PIBF1: variants seen among roughly 807,000 people sequenced by gnomAD.
The protein encoded by PIBF1 is progesterone immunomodulatory binding factor 1.
In PIBF1, 90 loss-of-function variants were observed where a neutral mutation model predicts 112.5. That is an observed-to-expected ratio of 0.80 (90% CI 0.67 to 0.95). The LOEUF is 0.95. Ranked by LOEUF, PIBF1 falls within the 40% of genes least tolerant of loss-of-function variation. The pLI, the probability that PIBF1 is intolerant of heterozygous loss-of-function variation, is 0.00. For synonymous variants in PIBF1, 301 were observed against 288.6 expected (o/e 1.04, Z -0.44); for missense variants, 915 against 852.3 (o/e 1.07, Z -0.92).
intron 17 of PIBF1, among the ~76,000 whole-genome samples, chr13:73,012,131 C>G (rs545441184): frequency 6.6e-6 from 1 of 152,156 alleles, no homozygotes. Flanking sequence ...GCGAGCAGAT[C>G]ACCTGAGATC....
At chr13:72,991,652 C>T (rs544185836) in intron 16 of PIBF1, among the ~76,000 whole-genome samples, 17 of 151,856 alleles carry the variant, frequency 1.1e-4, no homozygotes, top group African/African-American at 2.2e-4. Context: ...ACTTTGGGAG[C>T]CTGAGGCAGG....
chr13:72,792,664 A>G, intron 3 of PIBF1, 117 bp downstream of exon 3: 1 of 577,196 alleles, frequency 1.7e-6, no homozygotes, highest in Non-Finnish European at 3.0e-6. Context: ...AGTCAGAGAT[A>G]GCAATAATTT....
intron 11 of PIBF1, among the ~76,000 whole-genome samples, chr13:72,901,858 G>A (rs1335939523): frequency 6.6e-6 from 1 of 152,064 alleles, no homozygotes; most frequent in African/African-American, 2.4e-5. Context: ...CCATTACTGG[G>A]CATCTACCCA....
intron 10 of PIBF1, among the ~76,000 whole-genome samples, chr13:72,889,387 A>T (rs1235902753): frequency 6.6e-6 from 1 of 152,162 alleles, no homozygotes; most frequent in Middle Eastern, 3.2e-3. Context: ...TGTGGAGTTT[A>T]AAACTAAACT....
intron 10 of PIBF1, among the ~76,000 whole-genome samples, chr13:72,889,428 A>G (rs2039975812): frequency 6.6e-6 from 1 of 152,186 alleles, no homozygotes; most frequent in Admixed American, 6.6e-5. Flanking sequence ...TTAGCAGTCT[A>G]TCTCTGACTA....
At chr13:72,819,835 T>G (rs2036463924) in intron 5 of PIBF1, among the ~76,000 whole-genome samples, 2 of 152,176 alleles carry the variant, frequency 1.3e-5, no homozygotes, top group African/African-American at 4.8e-5. Context: ...GTAGTGTTTC[T>G]CAATATTATT....
At chr13:72,867,291 C>A (rs1485680868) in intron 10 of PIBF1, among the ~76,000 whole-genome samples, 2 of 152,206 alleles carry the variant, frequency 1.3e-5, no homozygotes, top group African/African-American at 2.4e-5. Flanking sequence ...ACAAGGAGGC[C>A]TCCTCAGCCA....
intron 14 of PIBF1, among the ~76,000 whole-genome samples, chr13:72,957,003 A>T (rs2042464275): frequency 6.6e-6 from 1 of 152,200 alleles, no homozygotes; most frequent in Non-Finnish European, 1.5e-5. Flanking sequence ...AATGAAAAAA[A>T]TTTTTAAAAA....
chr13:72,977,328 C>A (rs554438109), intron 16 of PIBF1, among the ~76,000 whole-genome samples: 1 of 152,162 alleles, frequency 6.6e-6, no homozygotes, highest in East Asian at 1.9e-4. Flanking sequence ...CCTCAGCCCC[C>A]CAAGTAGCTG....
At chr13:72,934,203 G>A (rs146095278) in intron 14 of PIBF1, among the ~76,000 whole-genome samples, 1 of 152,044 alleles carries the variant, frequency 6.6e-6, no homozygotes. Flanking sequence ...TGAATGATTA[G>A]TATTAGATTG....
chr13:72,836,136 A>G (rs1036038190), intron 9 of PIBF1: 8 of 452,670 alleles, frequency 1.8e-5, no homozygotes, highest in Non-Finnish European at 3.5e-5. Context: ...ATTTTTATTC[A>G]TGCAGTTACT....
In PIBF1 at chr13:72,783,434, C is replaced by G. The variant is rs774243503; in HGVS notation, c.-36C>G. The G allele has an allele frequency of 7.1e-6, 10 of 1,399,880 alleles. No individual in the cohort carries two copies. Among genetic ancestry groups the G allele is most frequent in the Non-Finnish European group, 9.9e-6 (10 of 1,009,760 alleles). 86.7% of individuals were successfully genotyped at this position (1,399,880 alleles called of 1,614,324 possible). A position where few individuals can be genotyped will look rare whatever the true frequency, so the allele number is the denominator to read the frequency against. ...TTTTTAACCTACAGAATATTAAAAT[C>G]AAATTAGAGAAGAAAACTGATCCAT... On this transcript the variant is annotated 5_prime_UTR_variant, in exon 2 of 18. In the 5' UTR this introduces an upstream ATG that the reference lacks. Transcript: ENST00000326291.
intron 9 of PIBF1, among the ~76,000 whole-genome samples, chr13:72,839,904 T>C (rs1324850190): frequency 6.6e-6 from 1 of 152,032 alleles, no homozygotes; most frequent in Non-Finnish European, 1.5e-5. Flanking sequence ...TGACCCCCTA[T>C]CCACATCAAA....
At position 72,815,623 on chromosome 13, in the gene PIBF1, A is replaced by C. The variant is rs182736950; in HGVS notation, c.673-6226A>C. On this transcript the variant is annotated intron_variant, in intron 5 of 17. Coordinates refer to ENST00000326291, the MANE Select transcript of PIBF1 (RefSeq NM_006346.4). ...TTGTTGGAGGGAGGAAGTGTGGTACAGGACTTTATCCTTTCCATCACCTGT... is the reference window on the plus strand; with the variant it reads ...TTGTTGGAGGGAGGAAGTGTGGTACCGGACTTTATCCTTTCCATCACCTGT... Among the ~76,000 whole-genome samples, 26 of 152,296 alleles carry C rather than the reference A, an allele frequency of 1.7e-4. 2 individuals carry two copies. The highest frequency in any genetic ancestry group is 1.4e-3 in the Admixed American group (21 of 15,296).
At chr13:72,810,729 A>G (rs943529134) in intron 5 of PIBF1, among the ~76,000 whole-genome samples, 3 of 152,248 alleles carry the variant, frequency 2.0e-5, no homozygotes, top group Non-Finnish European at 4.4e-5. Flanking sequence ...AATGCTTAAC[A>G]AATTAGTAAA....
intron 17 of PIBF1, among the ~76,000 whole-genome samples, chr13:73,013,161 C>T (rs1359610739): frequency 1.3e-5 from 2 of 151,352 alleles, no homozygotes; most frequent in African/African-American, 2.4e-5. Context: ...ATTAGCCGGG[C>T]GTGGTGGCGG....
chr13:72,922,393 T>C (rs1401268182), intron 13 of PIBF1, among the ~76,000 whole-genome samples: 5 of 152,176 alleles, frequency 3.3e-5, no homozygotes, highest in Admixed American at 6.6e-5. Context: ...TCTGAAGTAA[T>C]GTTTTCCTTT....
At position 72,844,789 on chromosome 13, in the gene PIBF1, A is replaced by ACACACACACACACACG. The variant is rs1594035467; in HGVS notation, c.1224-9257_1224-9256insACACGCACACACACAC. Among the ~76,000 whole-genome samples the ACACACACACACACACG allele has an allele frequency of 2.1e-3, 254 of 119,614 alleles. 29 individuals carry two copies. Among genetic ancestry groups the ACACACACACACACACG allele is most frequent in the African/African-American group, 8.3e-3 (218 of 26,306 alleles). The allele number at this position is 119,614 out of a possible 152,430, so 78.5% of individuals were successfully genotyped here. ...CACACACACACACACACACACACACACACACACACACGGATGAAGTCTTAC... is the reference window on the plus strand; with the variant it reads ...CACACACACACACACACACACACACACACACACACACACACGCACACACACACGGATGAAGTCTTAC... On this transcript the variant is annotated intron_variant, in intron 9 of 17. Transcript: ENST00000326291.
intron 9 of PIBF1, chr13:72,835,970 G>A: frequency 3.2e-6 from 1 of 309,048 alleles, no homozygotes; most frequent in African/African-American, 2.3e-5. Flanking sequence ...ATGGTGGCGG[G>A]CGCCTGTAAT....
Sources: gnomAD v4.1 joint callset for allele counts (sites outside exome capture counted in the v4.1 genomes callset) on GRCh38, gnomAD v4.1.1 for gene constraint, MANE v1.5 for transcripts, NCBI Gene and HGNC (gene_info 2026-07-23, HGNC 2026-07-21) for gene names.